CAMK4: variants seen among roughly 807,000 people sequenced by gnomAD.
The protein encoded by CAMK4 is calcium/calmodulin-dependent protein kinase type IV.
In CAMK4, 22 loss-of-function variants were observed where a neutral mutation model predicts 44.9. The observed-to-expected ratio is 0.49, with a 90% CI of 0.35 to 0.70. The LOEUF (loss-of-function observed/expected upper bound fraction) is 0.70. Among genes scored for constraint, CAMK4 ranks in the 30% least tolerant of loss-of-function variants. The pLI, the probability that CAMK4 is intolerant of heterozygous loss-of-function variation, is 0.01. For synonymous variants in CAMK4, 218 were observed against 215.4 expected, an observed-to-expected ratio of 1.01 and a Z score of -0.11; for missense variants, 498 against 586.8, an observed-to-expected ratio of 0.85 and a Z score of 1.56.
intron 2 of CAMK4, among the ~76,000 whole-genome samples, chr5:111,347,989 A>G (rs1344901062): frequency 6.6e-6 from 1 of 152,034 alleles, no homozygotes; most frequent in East Asian, 1.9e-4. Context: ...TTAATGTATA[A>G]ATATTTTTAA....
rs770007702 is a variant in CAMK4 at position 111,492,438 on chromosome 5, T to C, written c.*7972T>C. ...GCATCATTATGTGTAGCAGAGACTT[T>C]ACTGGAATGAGTGAGGGGAAAGATA... On this transcript the variant is annotated 3_prime_UTR_variant, in exon 11 of 11. Coordinates refer to ENST00000282356, the MANE Select transcript of CAMK4 (RefSeq NM_001744.6). The C allele has an allele frequency of 6.6e-6, 1 of 152,216 alleles. No homozygotes were observed. The allele number at this position is 152,216 out of a possible 1,614,324, so 9.4% of individuals were successfully genotyped here.
At chr5:111,459,971 T>A (rs998947670) in intron 7 of CAMK4, among the ~76,000 whole-genome samples, 3 of 152,084 alleles carry the variant, frequency 2.0e-5, no homozygotes, top group African/African-American at 7.2e-5. Flanking sequence ...GCCAGAGAAT[T>A]CACAGTTCTG....
intron 1 of CAMK4, among the ~76,000 whole-genome samples, chr5:111,317,536 C>A (rs574221633): frequency 6.6e-6 from 1 of 152,206 alleles, no homozygotes; most frequent in African/African-American, 2.4e-5. Flanking sequence ...AATTGTAACA[C>A]AAACTTCTAT....
chr5:111,330,505 G>T (rs76790307), intron 1 of CAMK4, among the ~76,000 whole-genome samples: 4 of 39,568 alleles, frequency 1.0e-4, no homozygotes, highest in Admixed American at 5.6e-4. Context: ...TTGGTTTTTT[G>T]TTGTTGTTGT....
intron 7 of CAMK4, among the ~76,000 whole-genome samples, chr5:111,469,410 T>G: frequency 6.6e-6 from 1 of 152,074 alleles, no homozygotes. Context: ...GCAAGTTTAC[T>G]CACATTGCAG....
At chr5:111,368,460 G>A (rs1383091406) in intron 2 of CAMK4, among the ~76,000 whole-genome samples, 1 of 152,172 alleles carries the variant, frequency 6.6e-6, no homozygotes, top group Non-Finnish European at 1.5e-5. Flanking sequence ...GTTGAAAGGA[G>A]ATGGCTATCA....
In CAMK4 at chr5:111,487,308, A is replaced by G. The variant is rs1166120753; in HGVS notation, c.*2842A>G. 6.6e-6 allele frequency: 1 copy of G among 152,162 alleles called. No individual in the cohort carries two copies. The highest frequency in any genetic ancestry group is 1.9e-4 in the East Asian group (1 of 5,200). 9.4% of individuals were successfully genotyped at this position (152,162 alleles called of 1,614,324 possible). A position where few individuals can be genotyped will look rare whatever the true frequency, so the allele number is the denominator to read the frequency against. Reference sequence around the variant, plus strand: ...TTTATTTTGAGATAAGTTCAGCTACATAGCATAAACTAGGTTTTTTTTTAT... The same window carrying G: ...TTTATTTTGAGATAAGTTCAGCTACGTAGCATAAACTAGGTTTTTTTTTAT... On this transcript the variant is annotated 3_prime_UTR_variant, in exon 11 of 11. Coordinates refer to ENST00000282356, the MANE Select transcript of CAMK4 (RefSeq NM_001744.6).
At chr5:111,268,432 G>T (rs961839881) in intron 1 of CAMK4, among the ~76,000 whole-genome samples, 3 of 152,168 alleles carry the variant, frequency 2.0e-5, no homozygotes, top group African/African-American at 7.2e-5. Context: ...TGGGAATAAT[G>T]GAAACACTGG....
chr5:111,337,470 G>A (rs1055471007), intron 1 of CAMK4, among the ~76,000 whole-genome samples: 9 of 148,128 alleles, frequency 6.1e-5, no homozygotes, highest in Non-Finnish European at 1.0e-4. Flanking sequence ...TACCAGTGAT[G>A]TGTGAGAGTT....
chr5:111,413,621 G>A (rs1338811744), intron 5 of CAMK4, among the ~76,000 whole-genome samples: 1 of 151,662 alleles, frequency 6.6e-6, no homozygotes, highest in South Asian at 2.1e-4. Flanking sequence ...ATGAATTGTT[G>A]TAAAACTGAA....
At chr5:111,452,594 T>A (rs1363063051) in intron 7 of CAMK4, among the ~76,000 whole-genome samples, 1 of 152,248 alleles carries the variant, frequency 6.6e-6, no homozygotes, top group East Asian at 1.9e-4. Flanking sequence ...ATGTTCAATC[T>A]ATTCTTAAAT....
At chr5:111,352,104 A>G (rs1006224723) in intron 2 of CAMK4, among the ~76,000 whole-genome samples, 5 of 152,122 alleles carry the variant, frequency 3.3e-5, no homozygotes, top group African/African-American at 1.2e-4. Flanking sequence ...AAATGCTATC[A>G]TTGGGGATTT....
chr5:111,312,290 T>G (rs1056237643), intron 1 of CAMK4, among the ~76,000 whole-genome samples: 34 of 152,142 alleles, frequency 2.2e-4, no homozygotes, highest in African/African-American at 8.0e-4. Flanking sequence ...GGCGTAGACT[T>G]TAATACTAGA....
chr5:111,278,368 T>C (rs1396462554), intron 1 of CAMK4, among the ~76,000 whole-genome samples: 3 of 143,060 alleles, frequency 2.1e-5, no homozygotes, highest in Non-Finnish European at 4.7e-5. Flanking sequence ...ATTAGGAGAA[T>C]CAGGCTTGTT....
At chr5:111,404,147 C>G (rs139775801) in intron 5 of CAMK4, among the ~76,000 whole-genome samples, 2 of 152,250 alleles carry the variant, frequency 1.3e-5, no homozygotes, top group East Asian at 3.9e-4. Context: ...TAACATGGTA[C>G]AGTAGGAGTT....
At chr5:111,299,430 C>G (rs1481889801) in intron 1 of CAMK4, among the ~76,000 whole-genome samples, 1 of 152,176 alleles carries the variant, frequency 6.6e-6, no homozygotes, top group East Asian at 1.9e-4. Flanking sequence ...ACTCACCACC[C>G]CCGCTTGGAC....
intron 4 of CAMK4, among the ~76,000 whole-genome samples, chr5:111,388,492 C>G (rs1751684792): frequency 6.6e-6 from 1 of 152,106 alleles, no homozygotes; most frequent in South Asian, 2.1e-4. Flanking sequence ...AACTGCCACC[C>G]TCCTTGCATC....
At chr5:111,353,896 T>G (rs1051645653) in intron 2 of CAMK4, among the ~76,000 whole-genome samples, 1 of 152,134 alleles carries the variant, frequency 6.6e-6, no homozygotes, top group Non-Finnish European at 1.5e-5. Context: ...GAATTAATAT[T>G]GCCAAAGTGT....
chr5:111,414,881 C>A (rs1219566624), intron 5 of CAMK4, among the ~76,000 whole-genome samples: 2 of 151,976 alleles, frequency 1.3e-5, no homozygotes, highest in Non-Finnish European at 1.5e-5. Flanking sequence ...ACATATGTAC[C>A]ATATCCCCTA....
Sources: gnomAD v4.1 joint callset for allele counts (sites outside exome capture counted in the v4.1 genomes callset) on GRCh38, gnomAD v4.1.1 for gene constraint, MANE v1.5 for transcripts, NCBI Gene and HGNC (gene_info 2026-07-23, HGNC 2026-07-21) for gene names.